Variants in CMYA5 observed in about 807,000 individuals in gnomAD.
CMYA5 encodes the protein cardiomyopathy associated 5.
A neutral mutation model predicts 318.9 loss-of-function variants in CMYA5; 246 were observed. The ratio of observed to expected loss-of-function variants is 0.77; its 90% confidence interval spans 0.70 to 0.86. The LOEUF (loss-of-function observed/expected upper bound fraction) is 0.86. Among genes scored for constraint, CMYA5 ranks in the 40% least tolerant of loss-of-function variants. The pLI, the probability that CMYA5 is intolerant of heterozygous loss-of-function variation, is 0.00. For missense variants in CMYA5, 4,589 were observed against 4,678.2 expected (o/e 0.98, Z 0.56); for synonymous variants, 1,641 against 1,729.5 (o/e 0.95, Z 1.27).
intron 1 of CMYA5, among the ~76,000 whole-genome samples, chr5:79,701,338 A>G (rs1827171773): frequency 6.6e-6 from 1 of 152,204 alleles, no homozygotes; most frequent in African/African-American, 2.4e-5. Context: ...TGTACATTTC[A>G]AAATATCTAG....
chr5:79,799,647 G>T lies in CMYA5; in HGVS notation c.*31G>T, dbSNP rs139467057. On this transcript the variant is annotated 3_prime_UTR_variant, in exon 13 of 13. Transcript: ENST00000446378. The stretch of plus-strand genomic sequence containing the variant: ...GGCTTTCAGAATTTGCAAGAACAGC[G>T]ATTTGAATTTTGGGGGGGTCTGCTG... 3 of 1,586,768 alleles carry T rather than the reference G, an allele frequency of 1.9e-6. No individual in the cohort carries two copies. Among genetic ancestry groups the T allele is most frequent in the Non-Finnish European group, 2.6e-6 (3 of 1,162,718 alleles).
At position 79,732,578 on chromosome 5, in the gene CMYA5, G is replaced by A; in HGVS notation, c.3813G>A (p.Leu1271=). 6.2e-7 allele frequency: 1 copy of A among 1,612,964 alleles called. No homozygotes were observed. Among genetic ancestry groups the A allele is most frequent in the African/African-American group, 1.3e-5 (1 of 75,028 alleles). ...CTTCTGAACTAGAACAGAGAAAGTT[G>A]TCCAAGAATGAGCCTGAAGTAATAA... is the stretch of plus-strand genomic sequence containing the variant. ...NVTSELEQRK[L]SKNEPEVIKP... The change falls in exon 2 of 13, where the codon TTG becomes TTA. Residue 1271 remains leucine, a synonymous_variant. Transcript: ENST00000446378.
chr5:79,790,948 AC>A (rs1445857644), intron 10 of CMYA5, 21 bp from the exon 11 acceptor site: 2 of 1,536,466 alleles, frequency 1.3e-6, no homozygotes, highest in Admixed American at 3.4e-5. Context: ...ATGTTTTAAT[AC>A]TATTTTCTCA....
intron 12 of CMYA5, among the ~76,000 whole-genome samples, chr5:79,798,456 T>C (rs1215871852): frequency 9.9e-5 from 15 of 152,194 alleles, no homozygotes; most frequent in Non-Finnish European, 2.9e-5. Context: ...GTTACTTTTT[T>C]ACATAGAGCA....
chr5:79,710,657 T>C (rs1827371694), intron 1 of CMYA5, among the ~76,000 whole-genome samples: 1 of 152,200 alleles, frequency 6.6e-6, no homozygotes, highest in Non-Finnish European at 1.5e-5. Context: ...TGCTTCTGTT[T>C]TCCTATATAT....
intron 7 of CMYA5, among the ~76,000 whole-genome samples, chr5:79,759,985 T>A (rs1216471841): frequency 5.3e-5 from 8 of 152,126 alleles, no homozygotes; most frequent in Non-Finnish European, 2.9e-5. Flanking sequence ...TAATGTGAGG[T>A]TACATAGTTT....
intron 1 of CMYA5, among the ~76,000 whole-genome samples, chr5:79,717,307 G>C (rs1472585784): frequency 6.6e-6 from 1 of 152,150 alleles, no homozygotes; most frequent in Non-Finnish European, 1.5e-5. Context: ...TTTATAAGGA[G>C]AGCCACCAAA....
At chr5:79,774,621 C>G (rs1004987090) in intron 9 of CMYA5, among the ~76,000 whole-genome samples, 1 of 152,196 alleles carries the variant, frequency 6.6e-6, no homozygotes, top group African/African-American at 2.4e-5. Flanking sequence ...CTCCCTGGCT[C>G]TGGCTGAGGC....
chr5:79,713,791 G>C (rs1827459659), intron 1 of CMYA5, among the ~76,000 whole-genome samples: 1 of 152,068 alleles, frequency 6.6e-6, no homozygotes, highest in Non-Finnish European at 1.5e-5. Context: ...GGAATAAATG[G>C]AGTTTATGCA....
At chr5:79,775,535 GA>G (rs1828923346) in intron 9 of CMYA5, among the ~76,000 whole-genome samples, 1 of 152,114 alleles carries the variant, frequency 6.6e-6, no homozygotes. Flanking sequence ...AAACAGGAGA[GA>G]GGGGGAGACA....
chr5:79,696,826 C>T (rs550228664), intron 1 of CMYA5, among the ~76,000 whole-genome samples: 11 of 152,010 alleles, frequency 7.2e-5, no homozygotes, highest in Admixed American at 4.6e-4. Flanking sequence ...GCCAACATGG[C>T]GAAACCCCCG....
intron 5 of CMYA5, among the ~76,000 whole-genome samples, chr5:79,747,805 C>T (rs929945794): frequency 6.6e-6 from 1 of 152,152 alleles, no homozygotes; most frequent in Non-Finnish European, 1.5e-5. Flanking sequence ...GAGGTCTTTC[C>T]TTCTGGTTTG....
chr5:79,762,102 C>G, intron 8 of CMYA5, 145 bp downstream of exon 8: 1 of 863,962 alleles, frequency 1.2e-6, no homozygotes, highest in Admixed American at 3.2e-5. Flanking sequence ...TGACTTAAGC[C>G]TGGGGTCCTG....
At chr5:79,743,045 G>T (rs901360411) in intron 2 of CMYA5, among the ~76,000 whole-genome samples, 1 of 152,164 alleles carries the variant, frequency 6.6e-6, no homozygotes, top group Non-Finnish European at 1.5e-5. Context: ...GGAGCCTGGG[G>T]GCTGTGGAGA....
At chr5:79,744,643 C>T (rs1478605601) in intron 3 of CMYA5, among the ~76,000 whole-genome samples, 1 of 152,200 alleles carries the variant, frequency 6.6e-6, no homozygotes, top group Non-Finnish European at 1.5e-5. Context: ...CTAGTTATTT[C>T]GGGTGTCACC....
chr5:79,744,622 A>G, intron 3 of CMYA5, among the ~76,000 whole-genome samples: 1 of 152,228 alleles, frequency 6.6e-6, no homozygotes, highest in South Asian at 2.1e-4. Flanking sequence ...TTGTGGATCA[A>G]CTAGTACATG....
chr5:79,738,103 A>C lies in CMYA5; in HGVS notation c.9338A>C (p.Glu3113Ala). The change falls in exon 2 of 13, where the codon GAA (glutamate) becomes GCA (alanine). Residue 3113 changes from glutamate to alanine, a missense_variant. By Grantham distance (107) the Glu-to-Ala change is moderately radical. Transcript: ENST00000446378. ...GAATATGACTTGGTGAAATTAGATG[A>C]AAGTTTTTATGGACCAGAAAAGGGC... is the stretch of plus-strand genomic sequence containing the variant. Reference protein sequence around the residue: ...EHEYDLVKLDESFYGPEKGHN... With the variant: ...EHEYDLVKLDASFYGPEKGHN... 1 of 1,613,574 alleles carries C rather than the reference A, an allele frequency of 6.2e-7. No individual in the cohort carries two copies. Among genetic ancestry groups the C allele is most frequent in the Non-Finnish European group, 8.5e-7 (1 of 1,179,776 alleles).
chr5:79,718,964 A>G (rs904241265), intron 1 of CMYA5, among the ~76,000 whole-genome samples: 14 of 152,198 alleles, frequency 9.2e-5, no homozygotes, highest in East Asian at 1.9e-4. Flanking sequence ...AGTACACTCT[A>G]TGATGTTCAC....
Position 79,733,190 on chromosome 5 carries a change from C to T in CMYA5, c.4425C>T (p.Ile1475=), listed in dbSNP as rs116319206. Residue 1475 remains isoleucine, a synonymous_variant, in exon 2 of 13, where the codon ATC becomes ATT. Coordinates refer to ENST00000446378, the MANE Select transcript of CMYA5 (RefSeq NM_153610.5). ...AAGTTAAAGCTGGGTTGCCAGTAAT[C>T]AAAACATCATCTTCTCAGCATTCAG... ...AKEVKAGLPV[I]KTSSSQHSDK... is the part of the protein sequence containing the mutation. The T allele has an allele frequency of 3.7e-5, 60 of 1,613,578 alleles. No individual in the cohort carries two copies. Among genetic ancestry groups the T allele is most frequent in the Non-Finnish European group, 4.5e-5 (53 of 1,179,808 alleles).
Sources: allele counts gnomAD v4.1 joint callset (sites outside exome capture counted in the v4.1 genomes callset), GRCh38; gene constraint gnomAD v4.1.1; transcripts MANE v1.5; gene names NCBI Gene and HGNC (gene_info 2026-07-23, HGNC 2026-07-21).